SGCZ: variants seen among roughly 807,000 people sequenced by gnomAD.
SGCZ encodes sarcoglycan zeta, also known as zeta-sarcoglycan.
In SGCZ, 40 loss-of-function variants were observed where a neutral mutation model predicts 41.3. The ratio of observed to expected loss-of-function variants is 0.97; its 90% confidence interval spans 0.75 to 1.26. SGCZ has a LOEUF of 1.26. Among genes scored for constraint, SGCZ ranks in the 50% most tolerant of loss-of-function variants. The probability of loss-of-function intolerance (pLI) is 0.00; values close to 1 mark genes in which losing one functional copy is unlikely to be tolerated. For missense variants in SGCZ, 552 were observed against 369.8 expected (o/e 1.49, Z -4.04); for synonymous variants, 206 against 137.5 (o/e 1.50, Z -3.49).
chr8:15,179,965 A>T (rs1445430789), intron 1 of SGCZ, among the ~76,000 whole-genome samples: 1 of 152,224 alleles, frequency 6.6e-6, no homozygotes, highest in Non-Finnish European at 1.5e-5. Context: ...CCCACCTGGC[A>T]TTGAAATTTA....
At chr8:14,826,730 T>G (rs985859851) in intron 1 of SGCZ, among the ~76,000 whole-genome samples, 3 of 152,226 alleles carry the variant, frequency 2.0e-5, no homozygotes, top group Non-Finnish European at 4.4e-5. Context: ...CATAAATGTC[T>G]TCTTTTGAGA....
At chr8:14,438,345 C>G (rs190133406) in intron 2 of SGCZ, among the ~76,000 whole-genome samples, 13 of 152,052 alleles carry the variant, frequency 8.5e-5, no homozygotes, top group African/African-American at 3.1e-4. Flanking sequence ...CACACATTTT[C>G]TGAAATGGAA....
At chr8:15,123,762 G>A (rs781663558) in intron 1 of SGCZ, among the ~76,000 whole-genome samples, 2 of 152,144 alleles carry the variant, frequency 1.3e-5, no homozygotes, top group African/African-American at 2.4e-5. Context: ...GGAATAAATA[G>A]GAAACATAAT....
chr8:14,461,978 T>C (rs1362366490), intron 2 of SGCZ, among the ~76,000 whole-genome samples: 2 of 152,092 alleles, frequency 1.3e-5, no homozygotes, highest in Non-Finnish European at 2.9e-5. Flanking sequence ...TAGTAGGCAT[T>C]TGGAAAAGAC....
intron 4 of SGCZ, among the ~76,000 whole-genome samples, chr8:14,206,211 C>T (rs1805610252): frequency 6.6e-6 from 1 of 151,950 alleles, no homozygotes; most frequent in Non-Finnish European, 1.5e-5. Flanking sequence ...ACTTTTACTC[C>T]TTTGCCATAT....
rs571612343 is a variant in SGCZ, at chr8:14,141,867, G to A, written c.547+22713C>T. 7.4e-4 allele frequency among the ~76,000 whole-genome samples: 113 copies of A among 152,226 alleles called. 1 individual carries two copies. The highest frequency in any genetic ancestry group is 2.4e-3 in the African/African-American group (100 of 41,522). On this transcript the variant is annotated intron_variant, in intron 5 of 7. Coordinates refer to ENST00000382080, the MANE Select transcript of SGCZ (RefSeq NM_139167.4). ...TGTTGCTATAAAGACACATGCACAC[G>A]TATGTTTATTGTGGCACTATTCACA...
chr8:14,376,881 A>C (rs1406568814), intron 2 of SGCZ, among the ~76,000 whole-genome samples: 3 of 152,164 alleles, frequency 2.0e-5, no homozygotes, highest in African/African-American at 4.8e-5. Flanking sequence ...ATATTGGAAA[A>C]CCCATTAACA....
chr8:15,212,944 T>C (rs1801282207), intron 1 of SGCZ, among the ~76,000 whole-genome samples: 1 of 152,016 alleles, frequency 6.6e-6, no homozygotes, highest in South Asian at 2.1e-4. Context: ...GCATGACAAC[T>C]CACTGTAGAC....
intron 1 of SGCZ, among the ~76,000 whole-genome samples, chr8:14,720,350 T>A (rs866089308): frequency 2.0e-5 from 3 of 152,086 alleles, no homozygotes; most frequent in Admixed American, 2.0e-4. Context: ...TAACTGTAAA[T>A]GATTTTTAAA....
At chr8:14,416,296 G>A (rs3887200) in intron 2 of SGCZ, among the ~76,000 whole-genome samples, 81,204 of 151,726 alleles carry the variant, frequency 0.54, 23,450 homozygotes, top group South Asian at 0.74. Context: ...TAATAAGACC[G>A]AGCAGCTGTT....
At chr8:15,001,627 G>A (rs1301872555) in intron 1 of SGCZ, among the ~76,000 whole-genome samples, 2 of 151,434 alleles carry the variant, frequency 1.3e-5, no homozygotes, top group East Asian at 1.9e-4. Flanking sequence ...TACTCGGGAG[G>A]CTGAGGGAGG....
intron 3 of SGCZ, among the ~76,000 whole-genome samples, chr8:14,295,192 A>C (rs185330921): frequency 1.6e-3 from 240 of 152,282 alleles, no homozygotes; most frequent in African/African-American, 5.4e-3. Context: ...AATGTTCTTC[A>C]ACTGGTGAAA....
intron 1 of SGCZ, among the ~76,000 whole-genome samples, chr8:14,592,235 A>C (rs1805264282): frequency 6.6e-6 from 1 of 152,152 alleles, no homozygotes; most frequent in Non-Finnish European, 1.5e-5. Flanking sequence ...GAGGGGAGTG[A>C]AGAATTTATA....
At chr8:14,737,423 G>A (rs1051355689) in intron 1 of SGCZ, among the ~76,000 whole-genome samples, 7 of 152,104 alleles carry the variant, frequency 4.6e-5, no homozygotes, top group African/African-American at 1.7e-4. Flanking sequence ...TATTGTCACT[G>A]AGAATCCAAG....
chr8:14,736,350 A>T (rs1799028070), intron 1 of SGCZ, among the ~76,000 whole-genome samples: 1 of 152,170 alleles, frequency 6.6e-6, no homozygotes, highest in African/African-American at 2.4e-5. Flanking sequence ...CCTTTAAATA[A>T]TCTGCAACAT....
intron 4 of SGCZ, among the ~76,000 whole-genome samples, chr8:14,232,985 T>G (rs140704313): frequency 1.0e-3 from 154 of 152,212 alleles, no homozygotes; most frequent in African/African-American, 3.6e-3. Context: ...TTGTGGAACT[T>G]CTTCTTGTTT....
chr8:14,662,334 A>T, intron 1 of SGCZ, among the ~76,000 whole-genome samples: 1 of 152,322 alleles, frequency 6.6e-6, no homozygotes, highest in African/African-American at 2.4e-5. Context: ...AAGAAAGTTA[A>T]ATTACCTGAA....
chr8:14,801,612 A>G (rs1051946186), intron 1 of SGCZ, among the ~76,000 whole-genome samples: 1 of 152,198 alleles, frequency 6.6e-6, no homozygotes, highest in African/African-American at 2.4e-5. Flanking sequence ...GGGAAACACC[A>G]TATAGAATGG....
chr8:14,631,305 C>T (rs2117398137), intron 1 of SGCZ, among the ~76,000 whole-genome samples: 1 of 151,930 alleles, frequency 6.6e-6, no homozygotes, highest in Non-Finnish European at 1.5e-5. Flanking sequence ...TATTATTATA[C>T]TTTAATGAGA....
Sources: allele counts gnomAD v4.1 joint callset (sites outside exome capture counted in the v4.1 genomes callset), GRCh38; gene constraint gnomAD v4.1.1; transcripts MANE v1.5; gene names NCBI Gene and HGNC (gene_info 2026-07-23, HGNC 2026-07-21).